PPP3R1: variants seen among roughly 807,000 people sequenced by gnomAD.
PPP3R1 encodes protein phosphatase 3 regulatory subunit B, alpha.
A neutral mutation model predicts 22.6 loss-of-function variants in PPP3R1; 5 were observed. That is an observed-to-expected ratio of 0.22 (90% confidence interval 0.12 to 0.46). PPP3R1 has a LOEUF of 0.46. Among genes scored for constraint, PPP3R1 ranks in the 20% least tolerant of loss-of-function variants. The pLI is 0.99. For synonymous variants in PPP3R1, 56 were observed against 65.2 expected, an observed-to-expected ratio of 0.86 and a Z score of 0.68; for missense variants, 61 against 203.2, an observed-to-expected ratio of 0.30 and a Z score of 4.25.
At chr2:68,223,387 C>G (rs1023965701) in intron 1 of PPP3R1, among the ~76,000 whole-genome samples, 3 of 152,168 alleles carry the variant, frequency 2.0e-5, no homozygotes, top group Non-Finnish European at 4.4e-5. Context: ...CAGTGCGAGA[C>G]TCTGTCTCAA....
At chr2:68,181,354 C>G (rs1034970691) in intron 5 of PPP3R1, among the ~76,000 whole-genome samples, 2 of 148,712 alleles carry the variant, frequency 1.3e-5, no homozygotes, top group African/African-American at 5.0e-5. Context: ...TATCGCGCCA[C>G]TGCACTCCAG....
intron 1 of PPP3R1, among the ~76,000 whole-genome samples, chr2:68,248,244 T>C (rs1572981324): frequency 1.3e-5 from 2 of 152,180 alleles, no homozygotes; most frequent in African/African-American, 4.8e-5. Flanking sequence ...TCAGACACCA[T>C]TTCTTCCAGG....
intron 2 of PPP3R1, among the ~76,000 whole-genome samples, chr2:68,196,151 T>G (rs1270642339): frequency 1.3e-5 from 2 of 152,330 alleles, no homozygotes; most frequent in East Asian, 1.9e-4. Flanking sequence ...GAATAACTCC[T>G]GTGAAGATCA....
chr2:68,187,322 A>G lies in PPP3R1; in HGVS notation c.221-8T>C. 6.2e-7 allele frequency: 1 copy of G among 1,605,908 alleles called. No individual in the cohort carries two copies. The highest frequency in any genetic ancestry group is 8.5e-7 in the Non-Finnish European group (1 of 1,175,330). ...AGACGCCCTCAATGAATTCTGAATA[A>G]GAGTTAAAAATGTTCACAAATCAGA... On this transcript the variant is annotated splice_polypyrimidine_tract_variant and splice_region_variant and intron_variant, in intron 3 of 5. Transcript: ENST00000234310.
chr2:68,196,360 A>T (rs12053466), intron 2 of PPP3R1, among the ~76,000 whole-genome samples: 62,594 of 151,820 alleles, frequency 0.41, 13,310 homozygotes, highest in South Asian at 0.62. Flanking sequence ...CTCCAAAAAA[A>T]TTTTCCAGTT....
At chr2:68,252,055 C>T (rs1454409935) in intron 1 of PPP3R1, 70 bp downstream of exon 1, 8 of 1,330,904 alleles carry the variant, frequency 6.0e-6, no homozygotes, top group African/African-American at 1.5e-5. Flanking sequence ...CGTCGGGGCT[C>T]GCCCCCGCAC....
chr2:68,223,870 G>T (rs1164010573), intron 1 of PPP3R1, among the ~76,000 whole-genome samples: 1 of 149,278 alleles, frequency 6.7e-6, no homozygotes, highest in Non-Finnish European at 1.5e-5. Context: ...CGTTGCAGAT[G>T]ACATAATTGT....
intron 5 of PPP3R1, among the ~76,000 whole-genome samples, chr2:68,185,368 T>TA (rs1166952790): frequency 6.7e-5 from 10 of 148,712 alleles, no homozygotes; most frequent in African/African-American, 2.4e-4. Context: ...GTGATATACT[T>TA]ATTACATTTT....
intron 2 of PPP3R1, among the ~76,000 whole-genome samples, chr2:68,209,541 C>G (rs1669429996): frequency 6.6e-6 from 1 of 151,656 alleles, no homozygotes; most frequent in Non-Finnish European, 1.5e-5. Flanking sequence ...ATTGTTTGAG[C>G]CCAGAAGTTT....
chr2:68,234,511 A>G (rs1226501461), intron 1 of PPP3R1, among the ~76,000 whole-genome samples: 14 of 152,128 alleles, frequency 9.2e-5, no homozygotes, highest in East Asian at 1.9e-4. Context: ...TATTACAGCC[A>G]TTTTCTTCTC....
At chr2:68,206,185 A>G (rs1374651808) in intron 2 of PPP3R1, among the ~76,000 whole-genome samples, 1 of 152,188 alleles carries the variant, frequency 6.6e-6, no homozygotes, top group South Asian at 2.1e-4. Context: ...GATCAAAATC[A>G]AAGAGAAGTC....
At chr2:68,200,721 C>A (rs1674957366) in intron 2 of PPP3R1, among the ~76,000 whole-genome samples, 1 of 152,120 alleles carries the variant, frequency 6.6e-6, no homozygotes, top group African/African-American at 2.4e-5. Context: ...CATTTCTATT[C>A]CCCCAACCTG....
chr2:68,237,485 G>C (rs116004243), intron 1 of PPP3R1, among the ~76,000 whole-genome samples: 1 of 151,934 alleles, frequency 6.6e-6, no homozygotes, highest in East Asian at 1.9e-4. Flanking sequence ...TTACTGATAA[G>C]CAATGTAATC....
intron 1 of PPP3R1, among the ~76,000 whole-genome samples, chr2:68,232,903 G>T (rs1669946562): frequency 6.6e-6 from 1 of 151,908 alleles, no homozygotes; most frequent in Admixed American, 6.6e-5. Context: ...CACCACACCT[G>T]GTCTCTATTA....
chr2:68,248,348 T>C (rs1022523154), intron 1 of PPP3R1, among the ~76,000 whole-genome samples: 5 of 152,230 alleles, frequency 3.3e-5, no homozygotes, highest in Non-Finnish European at 5.9e-5. Context: ...TAATAGCACA[T>C]AGCACACTGC....
intron 4 of PPP3R1, among the ~76,000 whole-genome samples, chr2:68,186,970 C>G (rs1179459606): frequency 1.3e-5 from 2 of 152,176 alleles, no homozygotes; most frequent in African/African-American, 4.8e-5. Context: ...TTCCCACTTT[C>G]ACTAAAAAAA....
intron 2 of PPP3R1, among the ~76,000 whole-genome samples, chr2:68,189,006 T>C (rs1454094744): frequency 6.6e-6 from 1 of 152,214 alleles, no homozygotes; most frequent in Non-Finnish European, 1.5e-5. Flanking sequence ...AAGCTGATCA[T>C]GGAGGTCACA....
intron 2 of PPP3R1, among the ~76,000 whole-genome samples, chr2:68,214,013 C>T (rs530794505): frequency 1.2e-4 from 18 of 151,998 alleles, no homozygotes; most frequent in Non-Finnish European, 2.2e-4. Context: ...TGCACACCTA[C>T]AACAAATTTG....
chr2:68,218,344 T>G (rs1032866402), intron 1 of PPP3R1, among the ~76,000 whole-genome samples: 4 of 152,128 alleles, frequency 2.6e-5, no homozygotes, highest in Non-Finnish European at 5.9e-5. Flanking sequence ...ATTACCACAT[T>G]CAATTAACTG....
Sources: allele counts gnomAD v4.1 joint callset (sites outside exome capture counted in the v4.1 genomes callset), GRCh38; gene constraint gnomAD v4.1.1; transcripts MANE v1.5; gene names NCBI Gene and HGNC (gene_info 2026-07-23, HGNC 2026-07-21).